Variants in PEX11G observed in about 807,000 individuals in gnomAD.
PEX11G encodes the protein peroxisomal biogenesis factor 11 gamma, also known as peroxisomal membrane protein 11C.
A neutral mutation model predicts 22.5 loss-of-function variants in PEX11G; 20 were observed. That is an observed-to-expected ratio of 0.89 (90% CI 0.62 to 1.29). The LOEUF (loss-of-function observed/expected upper bound fraction) is 1.29. PEX11G is among the 50% of genes most tolerant of loss of function. PEX11G has a pLI of 0.00. For synonymous variants in PEX11G, 141 were observed against 154.5 expected (o/e 0.91, Z 0.65); for missense variants, 347 against 331.3 (o/e 1.05, Z -0.37).
rs373932766 is a variant in PEX11G at position 7,480,901 on chromosome 19, ATGTT to A, written c.428+1128_428+1131del. The stretch of plus-strand genomic sequence containing the variant: ...ACTCAGCGCATTTGCAAAGAGGAAA[ATGTT>A]TGGGAGGAAACCATTACTAGAAAGT... On this transcript the variant is annotated intron_variant, in intron 3 of 4. Transcript: ENST00000221480. Among the ~76,000 whole-genome samples, 98 of 152,238 alleles carry A rather than the reference ATGTT, an allele frequency of 6.4e-4. No individual in the cohort carries two copies. The East Asian group carries it at 0.01, about 16-fold the overall frequency.
chr19:7,480,245 C>G (rs1977426754), intron 3 of PEX11G, among the ~76,000 whole-genome samples: 1 of 130,816 alleles, frequency 7.6e-6, no homozygotes, highest in African/African-American at 3.2e-5. Context: ...TTCAGCCTGT[C>G]TCAAAAAAAA....
At position 7,482,133 on chromosome 19, in the gene PEX11G, C is replaced by T. The variant is rs1489139824; in HGVS notation, c.328G>A (p.Ala110Thr). Residue 110 changes from alanine to threonine, a missense_variant, in exon 3 of 5, where the codon GCC becomes ACC. Physicochemically the swap from Ala to Thr is moderately conservative, Grantham distance 58. Transcript: ENST00000221480. ...AGGACCCGGGCATCAGCCGCCCAGG[C>T]CACGTGCTCACAGGGGTAGTAGAGC... Reference protein sequence around the residue: ...DQLYYPCEHVAWAADARVLHV... With the variant: ...DQLYYPCEHVTWAADARVLHV... 5 of 1,597,182 alleles carry T rather than the reference C, an allele frequency of 3.1e-6. No homozygotes were observed. The East Asian group carries it at 9.1e-5, about 29-fold the overall frequency.
intron 2 of PEX11G, among the ~76,000 whole-genome samples, chr19:7,483,654 C>T (rs1429653531): frequency 6.6e-6 from 1 of 152,092 alleles, no homozygotes; most frequent in Non-Finnish European, 1.5e-5. Flanking sequence ...GAAGGCGGCC[C>T]ACAGCAACAC....
intron 1 of PEX11G, among the ~76,000 whole-genome samples, chr19:7,486,640 C>A (rs1036059051): frequency 2.0e-5 from 3 of 151,076 alleles, no homozygotes; most frequent in African/African-American, 7.3e-5. Flanking sequence ...TGCTCCGTCA[C>A]CTAGGCTGGA....
Position 7,477,391 on chromosome 19 carries a change from C to G in PEX11G, c.537G>C (p.Gln179His). 7 of 1,541,230 alleles carry G rather than the reference C, an allele frequency of 4.5e-6. No individual in the cohort carries two copies. Among genetic ancestry groups the G allele is most frequent in the Non-Finnish European group, 6.1e-6 (7 of 1,146,312 alleles). Reference protein sequence around the residue: ...GKRRAMEAQMQSEALSLLSNL... With the variant: ...GKRRAMEAQMHSEALSLLSNL... ...TGCTGAGAAGTGACAGCGCCTCCGA[C>G]TGCATCTGCGCCTCCATGGCCCTCC... The change falls in exon 5 of 5, where the codon CAG (glutamine) becomes CAC (histidine). Residue 179 changes from glutamine (Q) to histidine (H), a missense_variant. Transcript: ENST00000221480.
At chr19:7,481,649 G>C (rs1035098765) in intron 3 of PEX11G, among the ~76,000 whole-genome samples, 1 of 152,154 alleles carries the variant, frequency 6.6e-6, no homozygotes, top group African/African-American at 2.4e-5. Flanking sequence ...CTTGGAAGAT[G>C]AAGGAAGGGG....
chr19:7,479,992 G>C (rs1182182085), intron 3 of PEX11G, among the ~76,000 whole-genome samples: 1 of 152,128 alleles, frequency 6.6e-6, no homozygotes, highest in Non-Finnish European at 1.5e-5. Flanking sequence ...GGCCGGGAGT[G>C]GTGGCTCACG....
chr19:7,484,724 G>A (rs958081759), intron 2 of PEX11G, among the ~76,000 whole-genome samples: 1 of 151,056 alleles, frequency 6.6e-6, no homozygotes, highest in Non-Finnish European at 1.5e-5. Flanking sequence ...AGTGAGCCGA[G>A]ATCACGCCAC....
At chr19:7,486,976 G>T (rs1052689855) in intron 1 of PEX11G, among the ~76,000 whole-genome samples, 2 of 151,788 alleles carry the variant, frequency 1.3e-5, no homozygotes, top group South Asian at 4.2e-4. Context: ...GAGCCCAGGA[G>T]TTCCAGACTG....
At position 7,478,306 on chromosome 19, in the gene PEX11G, GCTC is replaced by G. The variant is rs1568378146; in HGVS notation, c.491+5_491+7del. 2.5e-6 allele frequency: 4 copies of G among 1,610,046 alleles called. No homozygotes were observed. Among genetic ancestry groups the G allele is most frequent in the Non-Finnish European group, 3.4e-6 (4 of 1,179,260 alleles). ...GGGCCTCCCTGCTGGGTGATCACGG[GCTC>G]CTACCTGGTGAAGGGCGCCGTGGGG... On this transcript the variant is annotated splice_donor_5th_base_variant and intron_variant, in intron 4 of 4. Coordinates refer to ENST00000221480, the MANE Select transcript of PEX11G (RefSeq NM_080662.4).
intron 2 of PEX11G, among the ~76,000 whole-genome samples, chr19:7,483,527 C>T (rs1396244626): frequency 6.6e-6 from 1 of 152,176 alleles, no homozygotes; most frequent in African/African-American, 2.4e-5. Flanking sequence ...AGGGCCTCCA[C>T]CCCTTGCCTG....
At chr19:7,487,139 C>T (rs2021697713) in intron 1 of PEX11G, among the ~76,000 whole-genome samples, 1 of 152,096 alleles carries the variant, frequency 6.6e-6, no homozygotes, top group Admixed American at 6.6e-5. Context: ...ATTGATGTAA[C>T]TGAAGGGCAC....
At chr19:7,483,351 C>T (rs1977596836) in intron 2 of PEX11G, 1 of 152,374 alleles carries the variant, frequency 6.6e-6, no homozygotes, top group Non-Finnish European at 1.5e-5. Context: ...ATGGCGGACC[C>T]CGCCCCAATG....
intron 2 of PEX11G, 114 bp downstream of exon 2, chr19:7,485,724 C>A: frequency 1.0e-6 from 1 of 985,314 alleles, no homozygotes; most frequent in Non-Finnish European, 1.5e-6. Context: ...CAGCCTTGGC[C>A]TCACAAAGTG....
upstream of PEX11G, chr19:7,489,133 C>A: frequency 7.9e-7 from 1 of 1,261,746 alleles, no homozygotes; most frequent in Non-Finnish European, 1.0e-6. Context: ...GTCCCCCTGA[C>A]CGGCTTTTTG....
intron 3 of PEX11G, among the ~76,000 whole-genome samples, chr19:7,480,412 G>A (rs1260655116): frequency 1.3e-5 from 2 of 152,164 alleles, no homozygotes; most frequent in African/African-American, 4.8e-5. Context: ...GCTGGGCCCA[G>A]GCACCCTCCC....
chr19:7,492,024 A>G (rs1003179346), upstream of PEX11G, among the ~76,000 whole-genome samples: 1 of 152,188 alleles, frequency 6.6e-6, no homozygotes, highest in East Asian at 1.9e-4. Context: ...ACTTGCAGCT[A>G]TATAACATTG....
intron 2 of PEX11G, among the ~76,000 whole-genome samples, chr19:7,483,667 A>C (rs1375358414): frequency 1.3e-5 from 2 of 152,172 alleles, no homozygotes. Flanking sequence ...AGCAACACTT[A>C]TGATATAGGA....
chr19:7,487,820 C>CA (rs1280811071), intron 1 of PEX11G, among the ~76,000 whole-genome samples: 4 of 152,102 alleles, frequency 2.6e-5, no homozygotes, highest in Non-Finnish European at 2.9e-5. Flanking sequence ...ATTATAATGG[C>CA]AAAACACTGC....
Sources: allele counts gnomAD v4.1 joint callset (sites outside exome capture counted in the v4.1 genomes callset), GRCh38; gene constraint gnomAD v4.1.1; transcripts MANE v1.5; gene names NCBI Gene and HGNC (gene_info 2026-07-23, HGNC 2026-07-21).